The following ULK4 variants were observed in gnomAD, a reference collection of about 807,000 sequenced individuals.
ULK4 encodes the protein unc-51 like kinase 4.
Under a neutral mutation model 160.6 loss-of-function variants are expected in ULK4, and 133 were observed. That is an observed-to-expected ratio of 0.83 (90% confidence interval 0.72 to 0.96). The LOEUF (loss-of-function observed/expected upper bound fraction) is 0.96, where lower values mean the gene tolerates loss of function less well. Ranked by LOEUF, ULK4 falls within the 40% of genes least tolerant of loss-of-function variation. ULK4 has a pLI of 0.00. For synonymous variants in ULK4, 534 were observed against 539.8 expected, an observed-to-expected ratio of 0.99 and a Z score of 0.15; for missense variants, 1,580 against 1,499.5, an observed-to-expected ratio of 1.05 and a Z score of -0.89.
chr3:41,345,321 ATG>A lies in ULK4; in HGVS notation c.3678+52756_3678+52757del, dbSNP rs533400663. ...ATCATTTTGTTATAAAGATACATGC[ATG>A]TGTATGTTCACTGCAGCACCATTCA... On this transcript the variant is annotated intron_variant, in intron 35 of 36. Coordinates refer to ENST00000301831, the MANE Select transcript of ULK4 (RefSeq NM_017886.4). Among the ~76,000 whole-genome samples, 3 of 152,354 alleles carry A rather than the reference ATG, an allele frequency of 2.0e-5. No homozygotes were observed. In the South Asian group the frequency reaches 6.2e-4, roughly 32 times the overall value.
intron 11 of ULK4, among the ~76,000 whole-genome samples, chr3:41,910,492 AGGCT>A (rs2148802217): frequency 6.6e-6 from 1 of 152,118 alleles, no homozygotes; most frequent in East Asian, 1.9e-4. Flanking sequence ...TACTCTCGGG[AGGCT>A]GAGGCAGGAG....
At chr3:41,824,453 G>A (rs2041269727) in intron 18 of ULK4, among the ~76,000 whole-genome samples, 1 of 152,194 alleles carries the variant, frequency 6.6e-6, no homozygotes, top group South Asian at 2.1e-4. Flanking sequence ...TGGAAAATCG[G>A]GTCACTCGCA....
chr3:41,427,668 A>G (rs1164103962), intron 34 of ULK4, among the ~76,000 whole-genome samples: 1 of 152,200 alleles, frequency 6.6e-6, no homozygotes, highest in Non-Finnish European at 1.5e-5. Flanking sequence ...AAAGACAAAA[A>G]CCACATGGTT....
chr3:41,905,113 G>C (rs577402583), intron 12 of ULK4, among the ~76,000 whole-genome samples: 1 of 152,332 alleles, frequency 6.6e-6, no homozygotes, highest in South Asian at 2.1e-4. Context: ...CAGTAATCAA[G>C]AGTGTGCCAC....
At chr3:41,927,531 C>T (rs1182199076) in intron 5 of ULK4, among the ~76,000 whole-genome samples, 4 of 151,916 alleles carry the variant, frequency 2.6e-5, no homozygotes, top group Non-Finnish European at 5.9e-5. Flanking sequence ...CTGAATGCCC[C>T]AATTAAAAAG....
At chr3:41,382,534 T>C (rs2081680861) in intron 35 of ULK4, among the ~76,000 whole-genome samples, 1 of 152,236 alleles carries the variant, frequency 6.6e-6, no homozygotes, top group African/African-American at 2.4e-5. Flanking sequence ...TGAATCTATA[T>C]TAAGTGGTTA....
At chr3:41,594,348 G>C (rs1329391085) in intron 31 of ULK4, among the ~76,000 whole-genome samples, 1 of 152,074 alleles carries the variant, frequency 6.6e-6, no homozygotes, top group South Asian at 2.1e-4. Flanking sequence ...GCCAGCCTGA[G>C]CAACACAGTG....
intron 17 of ULK4, among the ~76,000 whole-genome samples, chr3:41,842,458 C>T (rs2041957341): frequency 1.3e-5 from 2 of 152,152 alleles, no homozygotes; most frequent in South Asian, 2.1e-4. Context: ...CAGTGTTGGA[C>T]GTGGGGCCTT....
At chr3:41,479,313 C>T (rs1253974996) in intron 32 of ULK4, among the ~76,000 whole-genome samples, 1 of 152,180 alleles carries the variant, frequency 6.6e-6, no homozygotes, top group Non-Finnish European at 1.5e-5. Flanking sequence ...ATACGCTAAG[C>T]ATTTATAATG....
At chr3:41,916,160 C>A in intron 7 of ULK4, 108 bp from the exon 8 acceptor site, 1 of 667,878 alleles carries the variant, frequency 1.5e-6, no homozygotes, top group Non-Finnish European at 2.5e-6. Flanking sequence ...TAAACACATA[C>A]ATTATTATTA....
At chr3:41,887,414 G>A (rs1399631192) in intron 16 of ULK4, among the ~76,000 whole-genome samples, 1 of 152,122 alleles carries the variant, frequency 6.6e-6, no homozygotes, top group Non-Finnish European at 1.5e-5. Flanking sequence ...CAAAGATATT[G>A]GAATTATTAG....
chr3:41,797,796 GGTTGCAGTGAGCCAAGATCACACC>G (rs2040346647), intron 20 of ULK4, among the ~76,000 whole-genome samples: 1 of 152,092 alleles, frequency 6.6e-6, no homozygotes, highest in Non-Finnish European at 1.5e-5. Context: ...GGGAGGAAGA[GGTTGCAGTGAGCCAAGATCACACC>G]GTTGCACTCC....
At chr3:41,803,171 C>CA (rs60309572) in intron 19 of ULK4, among the ~76,000 whole-genome samples, 62 of 136,046 alleles carry the variant, frequency 4.6e-4, no homozygotes, top group South Asian at 2.8e-3. Context: ...GACTCCATCT[C>CA]AAAAAAAAAA....
chr3:41,810,918 C>T (rs1316600845), intron 19 of ULK4, among the ~76,000 whole-genome samples: 2 of 152,122 alleles, frequency 1.3e-5, no homozygotes, highest in Non-Finnish European at 2.9e-5. Context: ...CAGGGTCTTG[C>T]TCTGTTGCCC....
chr3:41,591,932 G>A (rs1008736605), intron 31 of ULK4, among the ~76,000 whole-genome samples: 3 of 152,170 alleles, frequency 2.0e-5, no homozygotes, highest in East Asian at 1.9e-4. Flanking sequence ...AGGGATGCTG[G>A]AGGATCATGA....
At position 41,533,267 on chromosome 3, in the gene ULK4, T is replaced by C. The variant is rs75169170; in HGVS notation, c.3226+32758A>G. ...TGTGTTATTTTAAGTCGCTTAGCTT[T>C]GGATGGTTTATTATGTAGGAGAAGT... On this transcript the variant is annotated intron_variant, in intron 32 of 36. Transcript: ENST00000301831. Among the ~76,000 whole-genome samples the C allele has an allele frequency of 7.7e-3, 1,169 of 152,298 alleles. 10 individuals carry two copies. Among genetic ancestry groups the C allele is most frequent in the Middle Eastern group, 0.034 (10 of 294 alleles).
chr3:41,921,334 G>A (rs372232636), intron 5 of ULK4, among the ~76,000 whole-genome samples: 12 of 151,412 alleles, frequency 7.9e-5, no homozygotes, highest in East Asian at 5.9e-4. Flanking sequence ...AACGAGGGCC[G>A]GGCACGGTGG....
intron 34 of ULK4, among the ~76,000 whole-genome samples, chr3:41,401,490 T>A (rs2082177717): frequency 1.3e-5 from 2 of 152,200 alleles, no homozygotes; most frequent in Admixed American, 6.5e-5. Flanking sequence ...AGGGGCTCCA[T>A]AATCATCTGA....
intron 32 of ULK4, among the ~76,000 whole-genome samples, chr3:41,559,362 A>G (rs1403610217): frequency 2.8e-5 from 4 of 143,234 alleles, no homozygotes; most frequent in African/African-American, 7.4e-5. Flanking sequence ...TCATAGCAGC[A>G]TGGTTTATAA....
Sources: allele counts gnomAD v4.1 joint callset (sites outside exome capture counted in the v4.1 genomes callset), GRCh38; gene constraint gnomAD v4.1.1; transcripts MANE v1.5; gene names NCBI Gene and HGNC (gene_info 2026-07-23, HGNC 2026-07-21).